The following UTP20 variants were observed in gnomAD, a reference collection of about 807,000 sequenced individuals.
UTP20 encodes small subunit processome component 20 homolog.
UTP20 carries 164 observed loss-of-function variants against 329.5 expected under a neutral mutation model. That is an observed-to-expected ratio of 0.50 (90% CI 0.44 to 0.57). The LOEUF is 0.57. UTP20 is among the 20% of genes least tolerant of loss of function. The probability of loss-of-function intolerance (pLI) is 0.00; values close to 1 mark genes in which losing one functional copy is unlikely to be tolerated. For missense variants in UTP20, 3,055 were observed against 3,284.2 expected (o/e 0.93, Z 1.71); for synonymous variants, 1,151 against 1,159.3 (o/e 0.99, Z 0.14).
chr12:101,286,620 C>T, intron 5 of UTP20, 111 bp downstream of exon 5: 1 of 890,832 alleles, frequency 1.1e-6, no homozygotes, highest in Non-Finnish European at 1.6e-6. Flanking sequence ...TTTCCATGTA[C>T]AAAGTTGATT....
intron 12 of UTP20, among the ~76,000 whole-genome samples, chr12:101,297,124 T>C (rs1872382188): frequency 6.6e-6 from 1 of 152,202 alleles, no homozygotes; most frequent in Admixed American, 6.5e-5. Flanking sequence ...AGGTGGGAGT[T>C]ACTGTCCCAC....
At chr12:101,305,681 G>A (rs1337330557) in intron 15 of UTP20, among the ~76,000 whole-genome samples, 1 of 151,034 alleles carries the variant, frequency 6.6e-6, no homozygotes, top group Non-Finnish European at 1.5e-5. Flanking sequence ...TTGGAGTCTA[G>A]CATATTCTGC....
At chr12:101,367,721 CA>C in intron 47 of UTP20, 138 bp from the exon 48 acceptor site, 1 of 633,828 alleles carries the variant, frequency 1.6e-6, no homozygotes, top group Non-Finnish European at 2.8e-6. Flanking sequence ...GGCAGTTTGT[CA>C]TTCCTTAAAA....
rs758134498 is a variant in UTP20, at chr12:101,317,471, A to C, written c.2553-7A>C. 3 of 1,612,984 alleles carry C rather than the reference A, an allele frequency of 1.9e-6. No individual in the cohort carries two copies. Among genetic ancestry groups the C allele is most frequent in the Non-Finnish European group, 2.5e-6 (3 of 1,179,462 alleles). ...ATCAGTATCCTGTGACTTTCTTTCC[A>C]CGGTAGCAATGAGTATTACCCAGCA... On this transcript the variant is annotated splice_polypyrimidine_tract_variant and splice_region_variant and intron_variant, in intron 21 of 61. Transcript: ENST00000261637.
chr12:101,300,410 A>G (rs1428537207), intron 14 of UTP20, among the ~76,000 whole-genome samples: 3 of 152,202 alleles, frequency 2.0e-5, no homozygotes, highest in African/African-American at 7.2e-5. Flanking sequence ...TTTGCTTACC[A>G]TGAGAAAGAC....
intron 56 of UTP20, among the ~76,000 whole-genome samples, chr12:101,378,246 G>A (rs371965750): frequency 2.0e-5 from 3 of 152,240 alleles, no homozygotes; most frequent in East Asian, 1.9e-4. Flanking sequence ...TAATTCCAAC[G>A]TCACAGAATT....
rs745311743 is a variant in UTP20 at position 101,383,280 on chromosome 12, G to A, written c.7896G>A (p.Leu2632=). The A allele has an allele frequency of 1.2e-6, 2 of 1,613,956 alleles. No individual in the cohort carries two copies. Among genetic ancestry groups the A allele is most frequent in the East Asian group, 2.2e-5 (1 of 44,878 alleles). The change falls in exon 59 of 62, where the codon CTG becomes CTA. Residue 2632 remains leucine, a synonymous_variant. Transcript: ENST00000261637. ...AGAAGCTGTCCCGGATTGCAAAACT[G>A]GAAGCTGCTTATTCGCCGAGAAACC... ...LIQKLSRIAK[L]EAAYSPRNPL...
intron 29 of UTP20, 42 bp from the exon 30 acceptor site, chr12:101,338,009 A>G: frequency 6.4e-7 from 1 of 1,567,480 alleles, no homozygotes; most frequent in South Asian, 1.1e-5. Flanking sequence ...AGAAGTGAAC[A>G]TATTGAGAAT....
chr12:101,367,107 C>G (rs1419634476), intron 47 of UTP20, among the ~76,000 whole-genome samples: 1 of 151,808 alleles, frequency 6.6e-6, no homozygotes, highest in Non-Finnish European at 1.5e-5. Context: ...TAGCAAGACT[C>G]TATCTCTACA....
intron 38 of UTP20, among the ~76,000 whole-genome samples, chr12:101,351,122 T>A (rs1462400266): frequency 6.7e-6 from 1 of 149,674 alleles, no homozygotes; most frequent in Non-Finnish European, 1.5e-5. Flanking sequence ...AACTGTCGTT[T>A]CATGCATTTT....
At chr12:101,304,743 G>A (rs1172205872) in intron 15 of UTP20, among the ~76,000 whole-genome samples, 1 of 152,162 alleles carries the variant, frequency 6.6e-6, no homozygotes, top group Non-Finnish European at 1.5e-5. Flanking sequence ...GAGTTCTCTG[G>A]CCCAAAATGT....
intron 57 of UTP20, among the ~76,000 whole-genome samples, chr12:101,380,176 G>A (rs774947267): frequency 1.4e-4 from 21 of 152,034 alleles, no homozygotes; most frequent in Non-Finnish European, 2.8e-4. Context: ...TCAGGAGTTC[G>A]AGACTAGCCT....
chr12:101,366,499 C>G, intron 46 of UTP20, 59 bp from the exon 47 acceptor site: 6 of 1,554,398 alleles, frequency 3.9e-6, no homozygotes, highest in Non-Finnish European at 5.2e-6. Context: ...GCCACTCTAA[C>G]TTCTTGGAAT....
chr12:101,344,164 C>T (rs564155662), intron 35 of UTP20, among the ~76,000 whole-genome samples: 128 of 152,226 alleles, frequency 8.4e-4, no homozygotes, highest in African/African-American at 2.9e-3. Context: ...AATTCTAAGT[C>T]GCTGCCTGGC....
At chr12:101,301,310 A>G (rs1338756736) in intron 14 of UTP20, among the ~76,000 whole-genome samples, 1 of 151,298 alleles carries the variant, frequency 6.6e-6, no homozygotes, top group South Asian at 2.1e-4. Context: ...ACTTGAGGCC[A>G]GGAGTTCAAG....
intron 21 of UTP20, among the ~76,000 whole-genome samples, chr12:101,315,494 A>T (rs1051561722): frequency 6.6e-6 from 1 of 151,952 alleles, no homozygotes; most frequent in Non-Finnish European, 1.5e-5. Context: ...AAAAAAAAAA[A>T]GGCTAGAACC....
In UTP20 at chr12:101,299,822, T is replaced by C. The variant is rs1444885762; in HGVS notation, c.1571T>C (p.Val524Ala). 2 of 1,606,822 alleles carry C rather than the reference T, an allele frequency of 1.2e-6. No individual in the cohort carries two copies. The highest frequency in any genetic ancestry group is 1.7e-6 in the Non-Finnish European group (2 of 1,178,008). ...TCACAATCTTGGGCAGCCCTCGTGGTGTTACCTCATATTAGGTAAGAAAAT... is the reference window on the plus strand; with the variant it reads ...TCACAATCTTGGGCAGCCCTCGTGGCGTTACCTCATATTAGGTAAGAAAAT... Reference protein sequence around the residue: ...YLSQSWAALVVLPHIRPLEKE... With the variant: ...YLSQSWAALVALPHIRPLEKE... The change falls in exon 13 of 62, where the codon GTG becomes GCG. Residue 524 changes from valine to alanine, a missense_variant. By Grantham distance (64) the Val-to-Ala change is moderately conservative (BLOSUM62 0). Coordinates refer to ENST00000261637, the MANE Select transcript of UTP20 (RefSeq NM_014503.3).
chr12:101,310,330 C>T (rs929763666), intron 19 of UTP20, among the ~76,000 whole-genome samples: 1 of 152,054 alleles, frequency 6.6e-6, no homozygotes, highest in African/African-American at 2.4e-5. Context: ...AATCCCAGCA[C>T]TTTGGGCGGC....
intron 38 of UTP20, among the ~76,000 whole-genome samples, chr12:101,350,816 T>A (rs761685183): frequency 6.6e-6 from 1 of 151,994 alleles, no homozygotes; most frequent in Non-Finnish European, 1.5e-5. Context: ...GTGTCTTCCT[T>A]ACTCACGCTT....
Sources: allele counts gnomAD v4.1 joint callset (sites outside exome capture counted in the v4.1 genomes callset), GRCh38; gene constraint gnomAD v4.1.1; transcripts MANE v1.5; gene names NCBI Gene and HGNC (gene_info 2026-07-23, HGNC 2026-07-21).